Variants in MAN2A1 observed in about 807,000 individuals in gnomAD.
MAN2A1 encodes alpha-mannosidase 2.
In MAN2A1, 76 loss-of-function variants were observed where a neutral mutation model predicts 142.6. That is an observed-to-expected ratio of 0.53 (90% CI 0.44 to 0.65). The LOEUF is 0.65. Ranked by LOEUF, MAN2A1 falls within the 30% of genes least tolerant of loss-of-function variation. The pLI is 0.00. For missense variants in MAN2A1, 1,311 were observed against 1,365.1 expected, an observed-to-expected ratio of 0.96 and a Z score of 0.62; for synonymous variants, 559 against 473.2, an observed-to-expected ratio of 1.18 and a Z score of -2.35.
rs749684056 is a variant in MAN2A1 at position 109,781,453 on chromosome 5, C to T, written c.1432C>T (p.Gln478Ter). The change falls in exon 9 of 22, where the codon CAG becomes TAG. Residue 478 changes from glutamine (Q) to a stop codon, truncating the protein, a stop_gained. Transcript: ENST00000261483. LOFTEE classifies it high-confidence loss of function. ...TGCGCTGGATAAAGCAGATGAAACT[C>T]AGAGAGACAAGGGCCAATCGATGTT... ...FDALDKADET[Q>*]RDKGQSMFPV... 1.9e-6 allele frequency: 3 copies of T among 1,612,580 alleles called. No individual in the cohort carries two copies. The highest frequency in any genetic ancestry group is 1.7e-6 in the Non-Finnish European group (2 of 1,179,670).
intron 16 of MAN2A1, among the ~76,000 whole-genome samples, chr5:109,824,364 GT>G (rs1377935602): frequency 6.6e-6 from 1 of 152,158 alleles, no homozygotes; most frequent in Non-Finnish European, 1.5e-5. Context: ...ATGAACCCAA[GT>G]GATAGGAAAT....
chr5:109,752,049 A>G (rs186066896), intron 4 of MAN2A1, among the ~76,000 whole-genome samples: 6 of 152,228 alleles, frequency 3.9e-5, no homozygotes, highest in Admixed American at 3.3e-4. Flanking sequence ...TCTCAACGCA[A>G]TTGCACTGTT....
chr5:109,866,538 G>A (rs1755888391), intron 21 of MAN2A1, among the ~76,000 whole-genome samples: 1 of 152,054 alleles, frequency 6.6e-6, no homozygotes, highest in Non-Finnish European at 1.5e-5. Context: ...AAATTCTCAA[G>A]CAATACAAAA....
At position 109,819,678 on chromosome 5, in the gene MAN2A1, C is replaced by T. The variant is rs767006458; in HGVS notation, c.2119C>T (p.Arg707Ter). 6 of 1,567,454 alleles carry T rather than the reference C, an allele frequency of 3.8e-6. No individual in the cohort carries two copies. The highest frequency in any genetic ancestry group is 4.3e-6 in the Non-Finnish European group (5 of 1,159,108). The stretch of plus-strand genomic sequence containing the variant: ...TCCCTATCTTTTAAAGATCTCTTTT[C>T]GAGCACATATACCGCCATTGGGACT... ...ISETAYEISF[R>*]AHIPPLGLKV... is the part of the protein sequence containing the mutation. The change falls in exon 14 of 22, where the codon CGA becomes TGA. Residue 707 changes from arginine to a stop codon, truncating the protein, a stop_gained. Transcript: ENST00000261483. LOFTEE classifies it high-confidence loss of function.
chr5:109,799,519 C>T lies in MAN2A1; in HGVS notation c.1943+9992C>T, dbSNP rs185323062. ...CCTGTAATCCCAGCACTTTGGGAGG[C>T]CAAGGCGGGCAGATCACCTGAGGTC... On this transcript the variant is annotated intron_variant, in intron 12 of 21. Transcript: ENST00000261483. Among the ~76,000 whole-genome samples the T allele has an allele frequency of 2.6e-5, 4 of 152,288 alleles. No individual in the cohort carries two copies. The East Asian group carries it at 7.7e-4, about 29-fold the overall frequency.
Position 109,755,453 on chromosome 5 carries a change from A to G in MAN2A1, c.832A>G (p.Ile278Val), listed in dbSNP as rs752551766. The G allele has an allele frequency of 1.2e-6, 2 of 1,610,600 alleles. No homozygotes were observed. Among genetic ancestry groups the G allele is most frequent in the East Asian group, 2.2e-5 (1 of 44,794 alleles). ...IEGHQWLENN[I>V]GVKPRSGWAI... ...AGGACATCAGTGGCTGGAAAATAAT[A>G]TAGGTATGTATTGGTATATTCTTTA... The change falls in exon 5 of 22, where the codon ATA (isoleucine) becomes GTA (valine). Residue 278 changes from isoleucine to valine, a missense_variant. Transcript: ENST00000261483.
At chr5:109,786,498 T>C (rs1183132269) in intron 10 of MAN2A1, among the ~76,000 whole-genome samples, 1 of 152,118 alleles carries the variant, frequency 6.6e-6, no homozygotes, top group African/African-American at 2.4e-5. Context: ...ATATGTTTTG[T>C]GTTGCTTTTA....
intron 5 of MAN2A1, among the ~76,000 whole-genome samples, chr5:109,760,335 A>G (rs921478739): frequency 6.6e-6 from 1 of 152,162 alleles, no homozygotes; most frequent in Non-Finnish European, 1.5e-5. Context: ...ATGGCTGCAT[A>G]ATATTCCATG....
At chr5:109,702,574 A>C (rs976307658) in intron 1 of MAN2A1, among the ~76,000 whole-genome samples, 2 of 152,100 alleles carry the variant, frequency 1.3e-5, no homozygotes, top group African/African-American at 4.8e-5. Context: ...AGAAGTAAAA[A>C]CTGTCTTTGA....
chr5:109,702,316 TG>T (rs1467136578), intron 1 of MAN2A1, among the ~76,000 whole-genome samples: 3 of 9,768 alleles, frequency 3.1e-4, no homozygotes, highest in East Asian at 0.019. Context: ...GAACATAAAT[TG>T]TGTGTGTGTG....
intron 12 of MAN2A1, among the ~76,000 whole-genome samples, chr5:109,807,856 T>G (rs996516627): frequency 2.6e-5 from 4 of 152,238 alleles, no homozygotes; most frequent in Non-Finnish European, 5.9e-5. Context: ...TCTATCTGTC[T>G]TCACCTTTCC....
intron 4 of MAN2A1, among the ~76,000 whole-genome samples, chr5:109,744,807 A>G (rs1049882966): frequency 1.3e-5 from 2 of 152,194 alleles, no homozygotes; most frequent in East Asian, 1.9e-4. Context: ...AGACTTGTAC[A>G]GACATTTTCA....
At position 109,822,948 on chromosome 5, in the gene MAN2A1, G is replaced by A. The variant is rs1187231760; in HGVS notation, c.2452-775G>A. On this transcript the variant is annotated intron_variant, in intron 15 of 21. Transcript: ENST00000261483. Reference sequence around the variant, plus strand: ...CACCTCGGCCTCCCAAAGTGCTAGGGTTACAAGGCGTGAGCCACGGCGCCT... The same window carrying A: ...CACCTCGGCCTCCCAAAGTGCTAGGATTACAAGGCGTGAGCCACGGCGCCT... Among the ~76,000 whole-genome samples, 6 of 152,166 alleles carry A rather than the reference G, an allele frequency of 3.9e-5. No homozygotes were observed. The South Asian group carries it at 1.2e-3, about 31-fold the overall frequency.
chr5:109,770,211 G>T, intron 6 of MAN2A1, 144 bp from the exon 7 acceptor site: 2 of 663,128 alleles, frequency 3.0e-6, no homozygotes, highest in Non-Finnish European at 5.1e-6. Context: ...TACCGCTGGG[G>T]TATATGTACT....
intron 4 of MAN2A1, among the ~76,000 whole-genome samples, chr5:109,736,010 A>G (rs958375455): frequency 2.6e-5 from 4 of 151,778 alleles, no homozygotes; most frequent in East Asian, 1.9e-4. Flanking sequence ...GGCTAGCCAC[A>G]TCCACTCTAG....
At chr5:109,691,177 G>A (rs1415628693) in intron 1 of MAN2A1, among the ~76,000 whole-genome samples, 3 of 152,178 alleles carry the variant, frequency 2.0e-5, no homozygotes, top group Non-Finnish European at 2.9e-5. Context: ...GGGGAAGCGC[G>A]TGTTATACTC....
intron 12 of MAN2A1, among the ~76,000 whole-genome samples, chr5:109,793,322 C>T (rs1401542012): frequency 1.3e-5 from 2 of 152,096 alleles, no homozygotes; most frequent in African/African-American, 4.8e-5. Flanking sequence ...TAAAGTTAAT[C>T]ACAGTAGATT....
chr5:109,823,967 A>T (rs1376226177), intron 16 of MAN2A1, 130 bp downstream of exon 16: 2 of 502,566 alleles, frequency 4.0e-6, no homozygotes, highest in Non-Finnish European at 7.0e-6. Flanking sequence ...CATTTTTAAT[A>T]TGATTTAAAA....
chr5:109,845,043 C>T (rs1200169229), intron 17 of MAN2A1, among the ~76,000 whole-genome samples: 4 of 152,234 alleles, frequency 2.6e-5, no homozygotes, highest in East Asian at 1.9e-4. Context: ...CGGACCATGC[C>T]TTTCGTTAAT....
Sources: allele counts gnomAD v4.1 joint callset (sites outside exome capture counted in the v4.1 genomes callset), GRCh38; gene constraint gnomAD v4.1.1; transcripts MANE v1.5; gene names NCBI Gene and HGNC (gene_info 2026-07-23, HGNC 2026-07-21).